Variants in SLC25A48 observed in about 807,000 individuals in gnomAD.
SLC25A48 encodes CTC-321K16.1.
A neutral mutation model predicts 32.2 loss-of-function variants in SLC25A48; 29 were observed. The observed-to-expected ratio is 0.90, with a 90% CI of 0.67 to 1.23. SLC25A48 has a LOEUF of 1.23. SLC25A48 is among the 50% of genes most tolerant of loss of function. The pLI is 0.00. For synonymous variants in SLC25A48, 164 were observed against 172.3 expected, an observed-to-expected ratio of 0.95 and a Z score of 0.38; for missense variants, 399 against 422.7, an observed-to-expected ratio of 0.94 and a Z score of 0.49.
intron 1 of SLC25A48, among the ~76,000 whole-genome samples, chr5:135,590,393 C>T (rs1751492950): frequency 6.6e-6 from 1 of 152,230 alleles, no homozygotes. Flanking sequence ...GGCCCCCGGC[C>T]CCAGCCAGCC....
chr5:135,638,311 T>G lies in SLC25A48; in HGVS notation c.-521+3355T>G, dbSNP rs114629956. The stretch of plus-strand genomic sequence containing the variant: ...AAATAACCGAAATTCTGTATTTTCT[T>G]GCAGAACACCAAGTACTGTGTGAAA... On this transcript the variant is annotated intron_variant, in intron 3 of 10. Transcript: ENST00000646290. Among the ~76,000 whole-genome samples, 608 of 152,344 alleles carry G rather than the reference T, an allele frequency of 4.0e-3. 4 individuals are homozygous for G. The highest frequency in any genetic ancestry group is 0.014 in the African/African-American group (587 of 41,578).
Position 135,610,047 on chromosome 5 carries a change from A to AG in SLC25A48, c.-848-19189dup, listed in dbSNP as rs570872923. 2.2e-4 allele frequency among the ~76,000 whole-genome samples: 34 copies of AG among 152,334 alleles called. No individual in the cohort carries two copies. In the South Asian group the frequency reaches 5.0e-3, roughly 22 times the overall value. The stretch of plus-strand genomic sequence containing the variant: ...TGTAGGCCATTTGGTAGCAAAAGCA[A>AG]GACAGGTATATGGGAACATGGGTGT... On this transcript the variant is annotated intron_variant, in intron 1 of 10. Transcript: ENST00000646290.
At chr5:135,739,600 A>G (rs370960537) in intron 3 of SLC25A48, among the ~76,000 whole-genome samples, 5 of 152,224 alleles carry the variant, frequency 3.3e-5, no homozygotes, top group African/African-American at 1.2e-4. Flanking sequence ...GATGGCAGGC[A>G]GAAAAGGGTC....
At chr5:135,626,967 A>G (rs1270023481) in intron 1 of SLC25A48, among the ~76,000 whole-genome samples, 1 of 152,210 alleles carries the variant, frequency 6.6e-6, no homozygotes, top group East Asian at 1.9e-4. Context: ...CAACAGACCC[A>G]TAGAAGTAGC....
intron 2 of SLC25A48, among the ~76,000 whole-genome samples, chr5:135,630,381 C>A (rs1450186896): frequency 3.3e-5 from 5 of 152,152 alleles, no homozygotes; most frequent in African/African-American, 1.2e-4. Flanking sequence ...TTGGAGAAAA[C>A]TGCCATAGCT....
At chr5:135,793,857 T>A (rs900666698) in intron 3 of SLC25A48, among the ~76,000 whole-genome samples, 1 of 151,808 alleles carries the variant, frequency 6.6e-6, no homozygotes, top group Non-Finnish European at 1.5e-5. Flanking sequence ...TGTAATATCA[T>A]GTGGAGATAT....
intron 3 of SLC25A48, among the ~76,000 whole-genome samples, chr5:135,729,456 C>T (rs1755174712): frequency 6.6e-6 from 1 of 151,980 alleles, no homozygotes; most frequent in African/African-American, 2.4e-5. Context: ...TGTTAGAATC[C>T]TCCATGATTG....
At chr5:135,810,905 C>G (rs114090132) in intron 3 of SLC25A48, among the ~76,000 whole-genome samples, 3 of 152,198 alleles carry the variant, frequency 2.0e-5, no homozygotes, top group Non-Finnish European at 1.5e-5. Context: ...ATGTTTCTCA[C>G]TGAATCCAGG....
chr5:135,825,917 A>G (rs1189819996), intron 4 of SLC25A48: 2 of 152,182 alleles, frequency 1.3e-5, no homozygotes, highest in African/African-American at 4.8e-5. Context: ...CAGTCACACC[A>G]CGGGGAAGCC....
intron 3 of SLC25A48, among the ~76,000 whole-genome samples, chr5:135,775,198 A>C (rs1756519533): frequency 6.6e-6 from 1 of 151,566 alleles, no homozygotes. Context: ...GGAATGTACA[A>C]CCCTCTTGTG....
intron 3 of SLC25A48, among the ~76,000 whole-genome samples, chr5:135,715,574 C>A (rs1436886644): frequency 1.3e-5 from 2 of 152,218 alleles, no homozygotes; most frequent in African/African-American, 2.4e-5. Context: ...GAGGCTGTGA[C>A]CGGTCAGAGG....
chr5:135,812,292 T>G (rs1757608139), intron 3 of SLC25A48, among the ~76,000 whole-genome samples: 1 of 152,218 alleles, frequency 6.6e-6, no homozygotes, highest in Admixed American at 6.5e-5. Context: ...CTCCAGCATT[T>G]ATCATTTCTT....
intron 3 of SLC25A48, among the ~76,000 whole-genome samples, chr5:135,694,775 T>C (rs1330616258): frequency 6.6e-6 from 1 of 152,008 alleles, no homozygotes; most frequent in African/African-American, 2.4e-5. Context: ...TTAGTAGAGA[T>C]GAGGTTTCGC....
At chr5:135,640,987 T>C (rs1346603515) in intron 3 of SLC25A48, among the ~76,000 whole-genome samples, 2 of 152,210 alleles carry the variant, frequency 1.3e-5, no homozygotes, top group Admixed American at 1.3e-4. Flanking sequence ...TCGTTGGAAG[T>C]CATATGCACT....
intron 3 of SLC25A48, among the ~76,000 whole-genome samples, chr5:135,668,097 C>A (rs1014563045): frequency 2.0e-5 from 3 of 152,132 alleles, no homozygotes; most frequent in African/African-American, 7.2e-5. Context: ...GGGCTTCATT[C>A]ACACTCTAAG....
intron 3 of SLC25A48, chr5:135,714,591 C>G (rs1214393149): frequency 6.6e-6 from 1 of 152,276 alleles, no homozygotes; most frequent in African/African-American, 2.4e-5. Flanking sequence ...CCTTCACCCA[C>G]ACTTTGACTT....
At chr5:135,668,975 T>C (rs752332150) in intron 3 of SLC25A48, among the ~76,000 whole-genome samples, 5 of 152,136 alleles carry the variant, frequency 3.3e-5, no homozygotes, top group African/African-American at 4.8e-5. Flanking sequence ...GGACAAGTGT[T>C]TGGGTTATTC....
At chr5:135,692,742 AT>A (rs1414428537) in intron 3 of SLC25A48, among the ~76,000 whole-genome samples, 1 of 152,236 alleles carries the variant, frequency 6.6e-6, no homozygotes, top group Non-Finnish European at 1.5e-5. Flanking sequence ...TTTACATGCA[AT>A]GCAGCCATCC....
intron 3 of SLC25A48, chr5:135,635,039 A>T (rs1580741001): frequency 1.3e-5 from 2 of 151,592 alleles, no homozygotes; most frequent in Non-Finnish European, 2.9e-5. Flanking sequence ...CCACATACCC[A>T]TCCTTCTTCC....
Sources: gnomAD v4.1 joint callset for allele counts (sites outside exome capture counted in the v4.1 genomes callset) on GRCh38, gnomAD v4.1.1 for gene constraint, MANE v1.5 for transcripts, NCBI Gene and HGNC (gene_info 2026-07-23, HGNC 2026-07-21) for gene names.